The following BBX variants were observed in gnomAD, a reference collection of about 807,000 sequenced individuals.
BBX encodes the protein BBX high mobility group box domain containing.
Under a neutral mutation model 100.2 loss-of-function variants are expected in BBX, and 30 were observed. That is an observed-to-expected ratio of 0.30 (90% CI 0.22 to 0.41). The LOEUF (loss-of-function observed/expected upper bound fraction) is 0.41, where lower values mean the gene tolerates loss of function less well. Among genes scored for constraint, BBX ranks in the 10% least tolerant of loss-of-function variants. The pLI is 1.00. For synonymous variants in BBX, 376 were observed against 388.1 expected (o/e 0.97, Z 0.37); for missense variants, 1,023 against 1,129.8 (o/e 0.91, Z 1.35).
chr3:107,766,520 C>T (rs1348430298), intron 10 of BBX, among the ~76,000 whole-genome samples: 7 of 152,102 alleles, frequency 4.6e-5, no homozygotes, highest in Non-Finnish European at 1.0e-4. Context: ...GTAATTATTG[C>T]TTTTGTCGCC....
At chr3:107,791,909 G>A (rs947595712) in intron 15 of BBX, among the ~76,000 whole-genome samples, 3 of 152,170 alleles carry the variant, frequency 2.0e-5, no homozygotes, top group African/African-American at 7.2e-5. Context: ...GCTGAGGCAG[G>A]AGAGTTGCTT....
rs944316719 is a variant in BBX at position 107,799,187 on chromosome 3, C to G, written c.2551+467C>G. Among the ~76,000 whole-genome samples, 9 of 151,908 alleles carry G rather than the reference C, an allele frequency of 5.9e-5. 2 individuals are homozygous for G. In the East Asian group the frequency reaches 9.6e-4, roughly 16 times the overall value. On this transcript the variant is annotated intron_variant, in intron 16 of 17. Transcript: ENST00000325805. ...AACAACAACAAACACAAAAAAATCTCAGAATGTTTTAAGAAAGTTTACGAA... is the reference window on the plus strand; with the variant it reads ...AACAACAACAAACACAAAAAAATCTGAGAATGTTTTAAGAAAGTTTACGAA...
chr3:107,773,222 G>C lies in BBX; in HGVS notation c.1501G>C (p.Glu501Gln). Residue 501 changes from glutamate to glutamine, a missense_variant, in exon 11 of 18, where the codon GAG (glutamate) becomes CAG (glutamine). Physicochemically the swap from Glu to Gln is conservative, Grantham distance 29. Transcript: ENST00000325805. This position sits in a 1 kb window ranked among gnomAD's most constrained non-coding sequence, Gnocchi z 4.1. Reference sequence around the variant, plus strand: ...CGTCGCAAAAGGAGACTGGGGCATAGAGAAACTTGGAGATACCCCTCGCAA... The same window carrying C: ...CGTCGCAAAAGGAGACTGGGGCATACAGAAACTTGGAGATACCCCTCGCAA... The part of the protein sequence containing the change: ...EAVAKGDWGI[E>Q]KLGDTPRKKV... The C allele has an allele frequency of 6.2e-7, 1 of 1,614,074 alleles. No individual in the cohort carries two copies. Among genetic ancestry groups the C allele is most frequent in the Non-Finnish European group, 8.5e-7 (1 of 1,179,988 alleles).
chr3:107,552,896 A>G (rs762014164), intron 2 of BBX, among the ~76,000 whole-genome samples: 1 of 152,242 alleles, frequency 6.6e-6, no homozygotes, highest in African/African-American at 2.4e-5. Context: ...TTCCAAATAT[A>G]TAGGGATTTA....
chr3:107,748,096 C>T, intron 9 of BBX, 57 bp downstream of exon 9: 1 of 1,436,898 alleles, frequency 7.0e-7, no homozygotes, highest in Non-Finnish European at 9.7e-7. Context: ...CTCAGGAATA[C>T]TGGAATGGAG....
intron 13 of BBX, among the ~76,000 whole-genome samples, chr3:107,788,506 G>A (rs2068663290): frequency 6.6e-6 from 1 of 152,112 alleles, no homozygotes; most frequent in Non-Finnish European, 1.5e-5. Flanking sequence ...AATGAGGCTG[G>A]GCACAGTGGC....
At chr3:107,724,193 G>A (rs1403552873) in intron 5 of BBX, among the ~76,000 whole-genome samples, 1 of 152,164 alleles carries the variant, frequency 6.6e-6, no homozygotes, top group African/African-American at 2.4e-5. Flanking sequence ...GTGTCTGTTG[G>A]CTGCATAAAT....
chr3:107,594,417 C>G (rs540240900), intron 2 of BBX, among the ~76,000 whole-genome samples: 3 of 152,244 alleles, frequency 2.0e-5, no homozygotes, highest in South Asian at 2.1e-4. Context: ...CTTCATAGAC[C>G]TAGCCGCCCC....
At chr3:107,543,267 C>T (rs1334173085) in intron 2 of BBX, among the ~76,000 whole-genome samples, 1 of 152,078 alleles carries the variant, frequency 6.6e-6, no homozygotes, top group Non-Finnish European at 1.5e-5. Context: ...AGGACCCAGG[C>T]CATTTGAGTG....
intron 3 of BBX, among the ~76,000 whole-genome samples, chr3:107,674,169 A>C (rs2059164558): frequency 6.6e-6 from 1 of 152,148 alleles, no homozygotes; most frequent in South Asian, 2.1e-4. Flanking sequence ...GAGGAGCCTG[A>C]AAATTAGGCA....
chr3:107,568,265 A>ATTTTTT (rs36099700), intron 2 of BBX, among the ~76,000 whole-genome samples: 1 of 131,528 alleles, frequency 7.6e-6, no homozygotes, highest in African/African-American at 2.9e-5. Flanking sequence ...ATTTTCTGCT[A>ATTTTTT]TTTTTTTTTT....
intron 10 of BBX, among the ~76,000 whole-genome samples, chr3:107,762,911 A>G (rs2107714840): frequency 6.6e-6 from 1 of 152,328 alleles, no homozygotes; most frequent in South Asian, 2.1e-4. Context: ...TGACCTCACA[A>G]GCAGAAAATT....
intron 2 of BBX, among the ~76,000 whole-genome samples, chr3:107,610,879 T>TAA (rs770976820): frequency 1.3e-5 from 2 of 152,062 alleles, no homozygotes; most frequent in Admixed American, 6.6e-5. Context: ...AGTTAGGACT[T>TAA]ACTCCTGCCA....
At chr3:107,557,029 A>G (rs894471440) in intron 2 of BBX, among the ~76,000 whole-genome samples, 5 of 152,324 alleles carry the variant, frequency 3.3e-5, no homozygotes, top group Middle Eastern at 3.4e-3. Flanking sequence ...TTTTTAAAAA[A>G]TTGAGGTAAA....
At chr3:107,760,236 T>C (rs1164264591) in intron 10 of BBX, among the ~76,000 whole-genome samples, 1 of 152,226 alleles carries the variant, frequency 6.6e-6, no homozygotes, top group Non-Finnish European at 1.5e-5. Context: ...TATAAAAGAC[T>C]GTGCAAGTTG....
chr3:107,527,018 A>G (rs969306103), intron 2 of BBX, among the ~76,000 whole-genome samples: 1 of 152,230 alleles, frequency 6.6e-6, no homozygotes, highest in African/African-American at 2.4e-5. Flanking sequence ...AATTTAATAA[A>G]CAAAGACTTT....
intron 3 of BBX, among the ~76,000 whole-genome samples, chr3:107,690,827 TAAAG>T (rs1179535179): frequency 4.0e-5 from 6 of 148,612 alleles, no homozygotes; most frequent in Non-Finnish European, 8.9e-5. Context: ...AGAAGAAAAT[TAAAG>T]GAAGGAACTT....
chr3:107,735,481 A>G (rs1016439310), intron 7 of BBX, among the ~76,000 whole-genome samples: 3 of 152,142 alleles, frequency 2.0e-5, no homozygotes, highest in African/African-American at 7.2e-5. Context: ...TAAAAATGCC[A>G]TGACAGAACC....
chr3:107,711,923 G>A (rs991557405), intron 4 of BBX, among the ~76,000 whole-genome samples: 4 of 151,656 alleles, frequency 2.6e-5, no homozygotes, highest in Admixed American at 6.6e-5. Flanking sequence ...CCAGGCTATA[G>A]TACAGTGGCA....
Sources: gnomAD v4.1 joint callset for allele counts (sites outside exome capture counted in the v4.1 genomes callset) on GRCh38, gnomAD v4.1.1 for gene constraint, Gnocchi (gnomAD v3.1) non-coding constraint, MANE v1.5 for transcripts, NCBI Gene and HGNC (gene_info 2026-07-23, HGNC 2026-07-21) for gene names.